Variants in CDH5 observed in about 807,000 individuals in gnomAD.
CDH5 encodes cadherin-5.
In CDH5, 28 loss-of-function variants were observed where a neutral mutation model predicts 62.0. The ratio of observed to expected loss-of-function variants is 0.45; its 90% CI spans 0.33 to 0.62. The LOEUF (loss-of-function observed/expected upper bound fraction) is 0.62. Ranked by LOEUF, CDH5 falls within the 20% of genes least tolerant of loss-of-function variation. The pLI, the probability that CDH5 is intolerant of heterozygous loss-of-function variation, is 0.02. For synonymous variants in CDH5, 464 were observed against 445.8 expected (o/e 1.04, Z -0.52); for missense variants, 940 against 1,065.1 (o/e 0.88, Z 1.63).
chr16:66,392,378 C>A lies in CDH5; in HGVS notation c.1212C>A (p.Ser404Arg), dbSNP rs375493248. ...TGGACCCTGATGCGGCTAGGCATAG[C>A]ATTGGGTAAGGGGGCGTGTGTCGAT... ...LAMDPDAARH[S>R]IGYSIRRTSD... is the part of the protein sequence containing the mutation. The change falls in exon 7 of 12, where the codon AGC (serine) becomes AGA (arginine). Residue 404 changes from serine (S) to arginine (R), a missense_variant. By Grantham distance (110) the Ser-to-Arg change is moderately radical. Transcript: ENST00000341529. 1.2e-6 allele frequency: 2 copies of A among 1,614,144 alleles called. No homozygotes were observed. Among genetic ancestry groups the A allele is most frequent in the African/African-American group, 2.7e-5 (2 of 75,016 alleles).
At chr16:66,388,172 C>A in intron 3 of CDH5, 152 bp from the exon 4 acceptor site, 1 of 605,362 alleles carries the variant, frequency 1.7e-6, no homozygotes, top group Admixed American at 2.9e-5. Flanking sequence ...TGCCCCCATG[C>A]AGGCTCCTCA....
In CDH5 at chr16:66,379,362, G is replaced by T; in HGVS notation, c.25G>T (p.Ala9Ser). 6.2e-7 allele frequency: 1 copy of T among 1,612,654 alleles called. No homozygotes were observed. Among genetic ancestry groups the T allele is most frequent in the Non-Finnish European group, 8.5e-7 (1 of 1,179,290 alleles). The change falls in exon 2 of 12, where the codon GCC (alanine) becomes TCC (serine). Residue 9 changes from alanine to serine, a missense_variant. Physicochemically the swap from Ala to Ser is moderately conservative, Grantham distance 99. Transcript: ENST00000341529. Reference sequence around the variant, plus strand: ...GATGCAGAGGCTCATGATGCTCCTCGCCACATCGGGCGCCTGCCTGGGCCT... The same window carrying T: ...GATGCAGAGGCTCATGATGCTCCTCTCCACATCGGGCGCCTGCCTGGGCCT... MQRLMMLL[A>S]TSGACLGLLA... is the part of the protein sequence containing the mutation.
chr16:66,383,937 C>T (rs887238932), intron 2 of CDH5, among the ~76,000 whole-genome samples: 1 of 152,118 alleles, frequency 6.6e-6, no homozygotes, highest in South Asian at 2.1e-4. Flanking sequence ...TCAGTGCCCT[C>T]ACTGAGGGCT....
rs1210997883 is a variant in CDH5 at position 66,392,309 on chromosome 16, G to A, written c.1143G>A (p.Leu381=). Residue 381 remains leucine, a synonymous_variant, in exon 7 of 12, where the codon CTG becomes CTA. Transcript: ENST00000341529. The stretch of plus-strand genomic sequence containing the variant: ...AGCAGCCTTTCTACCACTTCCAGCT[G>A]AAGGAAAACCAGAAGAAGCCTCTGA... ...IFQQPFYHFQ[L]KENQKKPLIG... 2 of 1,614,044 alleles carry A rather than the reference G, an allele frequency of 1.2e-6. No homozygotes were observed. The highest frequency in any genetic ancestry group is 1.1e-5 in the South Asian group (1 of 91,086).
At chr16:66,397,664 T>G (rs977159819) in intron 8 of CDH5, among the ~76,000 whole-genome samples, 72 of 152,330 alleles carry the variant, frequency 4.7e-4, no homozygotes, top group African/African-American at 1.7e-3. Flanking sequence ...TTATGATTAA[T>G]TTATTATGTT....
At chr16:66,383,495 ATC>A (rs1960931461) in intron 2 of CDH5, among the ~76,000 whole-genome samples, 1 of 152,148 alleles carries the variant, frequency 6.6e-6, no homozygotes, top group South Asian at 2.1e-4. Flanking sequence ...CAGAACTCCA[ATC>A]ACACAGATCC....
chr16:66,390,400 C>T lies in CDH5; in HGVS notation c.782-3C>T. On this transcript the variant is annotated splice_region_variant and splice_polypyrimidine_tract_variant and intron_variant, in intron 5 of 11. Coordinates refer to ENST00000341529, the MANE Select transcript of CDH5 (RefSeq NM_001795.5). ...GCCCTTTGGGGTGCTCTGTTTGCAT[C>T]AGCCAAGTACACATTTGTCGTGCCT... 6.2e-7 allele frequency: 1 copy of T among 1,607,126 alleles called. No individual in the cohort carries two copies. Among genetic ancestry groups the T allele is most frequent in the Non-Finnish European group, 8.5e-7 (1 of 1,175,220 alleles).
At position 66,387,094 on chromosome 16, in the gene CDH5, G is replaced by A. The variant is rs746778614; in HGVS notation, c.496G>A (p.Val166Met). ...TGCGTCCGTGCCTGAGTCGTCGGCTGTGGGTACGTTGCATGCCCACTCTGT... is the reference window on the plus strand; with the variant it reads ...TGCGTCCGTGCCTGAGTCGTCGGCTATGGGTACGTTGCATGCCCACTCTGT... Reference protein sequence around the residue: ...FNASVPESSAVGTSVISVTAV... With the variant: ...FNASVPESSAMGTSVISVTAV... The change falls in exon 3 of 12, where the codon GTG becomes ATG. Residue 166 changes from valine (V) to methionine (M), a missense_variant. By Grantham distance (21) the Val-to-Met change is conservative. Transcript: ENST00000341529. The A allele has an allele frequency of 9.9e-6, 16 of 1,609,238 alleles. No homozygotes were observed. The East Asian group carries it at 3.3e-4, about 34-fold the overall frequency.
At chr16:66,382,677 A>G (rs547883945) in intron 2 of CDH5, among the ~76,000 whole-genome samples, 1 of 152,306 alleles carries the variant, frequency 6.6e-6, no homozygotes, top group East Asian at 1.9e-4. Flanking sequence ...TGCCAACAGC[A>G]TTCACTTGGC....
rs1382131249 is a variant in CDH5 at position 66,366,765 on chromosome 16, G to A, written c.-20+7G>A. 6.6e-6 allele frequency: 1 copy of A among 152,362 alleles called. No homozygotes were observed. Among genetic ancestry groups the A allele is most frequent in the African/African-American group, 2.4e-5 (1 of 41,442 alleles). The allele number at this position is 152,362 out of a possible 1,614,324, so 9.4% of individuals were successfully genotyped here. A position where few individuals can be genotyped will look rare whatever the true frequency, so the allele number is the denominator to read the frequency against. On this transcript the variant is annotated splice_region_variant and intron_variant, in intron 1 of 11. Transcript: ENST00000341529. ...CCCTCAGCCCACAGGCACGGTGAGT[G>A]GGGGCTCCCACACTCCCCTCCACCC...
At position 66,400,952 on chromosome 16, in the gene CDH5, C is replaced by T. The variant is rs773765526; in HGVS notation, c.1773C>T (p.Ala591=). ...QGEFTFCEDM[A]AQVGVSIQAV... ...AGTTCACCTTCTGCGAGGATATGGCCGCCCAGGTGGGCGTGAGCATCCAGG... is the reference window on the plus strand; with the variant it reads ...AGTTCACCTTCTGCGAGGATATGGCTGCCCAGGTGGGCGTGAGCATCCAGG... Residue 591 remains alanine, a synonymous_variant, in exon 11 of 12, where the codon GCC becomes GCT. Coordinates refer to ENST00000341529, the MANE Select transcript of CDH5 (RefSeq NM_001795.5). 1.7e-5 allele frequency: 27 copies of T among 1,614,026 alleles called. No homozygotes were observed. Among genetic ancestry groups the T allele is most frequent in the Non-Finnish European group, 2.1e-5 (25 of 1,180,046 alleles).
chr16:66,379,313 C>T lies in CDH5; in HGVS notation c.-19-6C>T. The T allele has an allele frequency of 1.9e-6, 3 of 1,585,608 alleles. No individual in the cohort carries two copies. Among genetic ancestry groups the T allele is most frequent in the Non-Finnish European group, 2.6e-6 (3 of 1,159,524 alleles). ...CAGAGTCTGAATGTGTCTCCTCTTT[C>T]CCCAGATCTGTTCCTCCTGGGAAGA... On this transcript the variant is annotated splice_polypyrimidine_tract_variant and splice_region_variant and intron_variant, in intron 1 of 11. Transcript: ENST00000341529.
intron 4 of CDH5, among the ~76,000 whole-genome samples, chr16:66,389,072 A>T (rs552616998): frequency 1.1e-4 from 16 of 152,326 alleles, no homozygotes; most frequent in Middle Eastern, 3.4e-3. Flanking sequence ...GACATCACTA[A>T]TCTATCACAG....
intron 1 of CDH5, chr16:66,376,380 G>A (rs1960787639): frequency 6.6e-6 from 1 of 152,170 alleles, no homozygotes; most frequent in African/African-American, 2.4e-5. Flanking sequence ...TCTGACCGCT[G>A]GCTGCGGTCA....
At chr16:66,396,429 A>G (rs948910126) in intron 8 of CDH5, among the ~76,000 whole-genome samples, 2 of 152,164 alleles carry the variant, frequency 1.3e-5, no homozygotes, top group African/African-American at 4.8e-5. Context: ...CCCCACACTG[A>G]ATCGGAATCT....
chr16:66,402,559 G>T (rs1961304129), intron 11 of CDH5, 93 bp from the exon 12 acceptor site: 1 of 1,124,674 alleles, frequency 8.9e-7, no homozygotes. Flanking sequence ...GGGCGTGGGG[G>T]TGGGGTTGCA....
At chr16:66,397,039 A>C (rs1264368781) in intron 8 of CDH5, among the ~76,000 whole-genome samples, 1 of 152,252 alleles carries the variant, frequency 6.6e-6, no homozygotes, top group East Asian at 1.9e-4. Context: ...ATGAGAAGAA[A>C]ATACTCCTCC....
At chr16:66,392,663 T>C (rs1961109817) in intron 7 of CDH5, 3 of 425,946 alleles carry the variant, frequency 7.0e-6, no homozygotes, top group Non-Finnish European at 1.3e-5. Context: ...CTCTCACCAG[T>C]CCTATGTGGT....
rs1742799196 is a variant in CDH5, at chr16:66,403,639, CCCAAGGGAGACTGA to C, written c.*474_*487del. On this transcript the variant is annotated 3_prime_UTR_variant, in exon 12 of 12. Coordinates refer to ENST00000341529, the MANE Select transcript of CDH5 (RefSeq NM_001795.5). The surrounding 1 kb of genome is among the most constrained non-coding windows in gnomAD (Gnocchi z 4.3). ...GGGGCAGGATTCTCTGCAGCCCATTCCCAAGGGAGACTGACCATCATGCCCTCTCTCGGGAGCCC... is the reference window on the plus strand; with the variant it reads ...GGGGCAGGATTCTCTGCAGCCCATTCCCATCATGCCCTCTCTCGGGAGCCC... The C allele has an allele frequency of 5.8e-6, 1 of 173,246 alleles. No homozygotes were observed. The highest frequency in any genetic ancestry group is 2.4e-5 in the African/African-American group (1 of 41,770). 10.7% of individuals were successfully genotyped at this position (173,246 alleles called of 1,614,324 possible). A position where few individuals can be genotyped will look rare whatever the true frequency, so the allele number is the denominator to read the frequency against.
Sources: allele counts gnomAD v4.1 joint callset (sites outside exome capture counted in the v4.1 genomes callset), GRCh38; gene constraint gnomAD v4.1.1; non-coding constraint Gnocchi (gnomAD v3.1); transcripts MANE v1.5; gene names NCBI Gene and HGNC (gene_info 2026-07-23, HGNC 2026-07-21).